The following DOCK10 variants were observed in gnomAD, a reference collection of about 807,000 sequenced individuals.
DOCK10 encodes dedicator of cytokinesis 10.
Under a neutral mutation model 280.1 loss-of-function variants are expected in DOCK10, and 145 were observed. The observed-to-expected ratio is 0.52, with a 90% CI of 0.45 to 0.59. DOCK10 has a LOEUF of 0.59. Among genes scored for constraint, DOCK10 ranks in the 20% least tolerant of loss-of-function variants. The pLI, the probability that DOCK10 is intolerant of heterozygous loss-of-function variation, is 0.00. For synonymous variants in DOCK10, 915 were observed against 942.2 expected (o/e 0.97, Z 0.53); for missense variants, 2,368 against 2,651.7 (o/e 0.89, Z 2.35).
intron 11 of DOCK10, among the ~76,000 whole-genome samples, chr2:224,865,576 G>C (rs1697851173): frequency 6.6e-6 from 1 of 152,184 alleles, no homozygotes; most frequent in Non-Finnish European, 1.5e-5. Flanking sequence ...TAATACATTA[G>C]TGTCGCAGAT....
chr2:224,893,416 C>A (rs1329341298), intron 4 of DOCK10: 1 of 172,256 alleles, frequency 5.8e-6, no homozygotes, highest in African/African-American at 2.4e-5. Flanking sequence ...ATGAATTTTT[C>A]TTCCTTACAT....
chr2:224,950,474 C>T (rs1003271291), intron 1 of DOCK10, among the ~76,000 whole-genome samples: 2 of 152,142 alleles, frequency 1.3e-5, no homozygotes, highest in Admixed American at 1.3e-4. Context: ...AAGTCAGTAG[C>T]AGAGCTGGGA....
intron 14 of DOCK10, among the ~76,000 whole-genome samples, chr2:224,859,840 G>A (rs560625286): frequency 2.6e-5 from 4 of 152,282 alleles, no homozygotes; most frequent in South Asian, 2.1e-4. Flanking sequence ...GGCAACAACC[G>A]GCCTTCCTCT....
rs1174953662 is a variant in DOCK10 at position 225,014,084 on chromosome 2, G to GTT, written c.123+28166_123+28167dup. Among the ~76,000 whole-genome samples, 364 of 104,376 alleles carry GTT rather than the reference G, an allele frequency of 3.5e-3. 4 individuals are homozygous for GTT. Among genetic ancestry groups the GTT allele is most frequent in the African/African-American group, 0.016 (324 of 20,332 alleles). 68.5% of individuals were successfully genotyped at this position (104,376 alleles called of 152,430 possible). On this transcript the variant is annotated intron_variant, in intron 1 of 55. Transcript: ENST00000258390. Reference sequence around the variant, plus strand: ...AAATCCCCAGAAGTCTGAATATATTGTTTTTTTTTTTTTGTTTTTTTTTTT... The same window carrying GTT: ...AAATCCCCAGAAGTCTGAATATATTGTTTTTTTTTTTTTTTGTTTTTTTTTTT...
At chr2:225,011,367 G>A (rs553206078) in intron 1 of DOCK10, among the ~76,000 whole-genome samples, 1 of 152,258 alleles carries the variant, frequency 6.6e-6, no homozygotes, top group South Asian at 2.1e-4. Context: ...TTCCTAAAGT[G>A]ACTCTTTCCA....
intron 1 of DOCK10, among the ~76,000 whole-genome samples, chr2:224,961,401 TTTC>T (rs140220336): frequency 6.3e-4 from 76 of 120,112 alleles, no homozygotes; most frequent in Non-Finnish European, 1.0e-3. Flanking sequence ...CAGCATTTTC[TTTC>T]TTTCTTTCTC....
intron 1 of DOCK10, among the ~76,000 whole-genome samples, chr2:224,973,668 T>C (rs999458442): frequency 4.6e-5 from 7 of 152,122 alleles, no homozygotes; most frequent in Non-Finnish European, 7.4e-5. Context: ...TAAGACAATA[T>C]GTGTGTTGTT....
chr2:224,857,458 A>G (rs1165076446), intron 14 of DOCK10, among the ~76,000 whole-genome samples: 1 of 152,204 alleles, frequency 6.6e-6, no homozygotes, highest in Non-Finnish European at 1.5e-5. Context: ...TCATGGAGCT[A>G]AATGTGCCCA....
chr2:224,860,449 TATAAC>T (rs1251250535), intron 14 of DOCK10: 14 of 152,214 alleles, frequency 9.2e-5, no homozygotes, highest in Non-Finnish European at 1.6e-4. Flanking sequence ...CCTTAATCCT[TATAAC>T]AGTAAATTAG....
At chr2:224,774,720 G>C (rs1378666309) in intron 52 of DOCK10, among the ~76,000 whole-genome samples, 185 bp downstream of exon 52, 4 of 152,172 alleles carry the variant, frequency 2.6e-5, no homozygotes, top group African/African-American at 9.7e-5. Flanking sequence ...TTTCTCCTCT[G>C]GTTGACTTCT....
intron 3 of DOCK10, among the ~76,000 whole-genome samples, chr2:224,909,789 T>G (rs906100180): frequency 6.6e-6 from 1 of 152,238 alleles, no homozygotes; most frequent in African/African-American, 2.4e-5. Context: ...TAGAGCTTGA[T>G]GTTAACATGC....
chr2:224,909,879 A>T (rs570940971), intron 3 of DOCK10, among the ~76,000 whole-genome samples: 93 of 141,356 alleles, frequency 6.6e-4, no homozygotes, highest in African/African-American at 2.4e-3. Flanking sequence ...TAGGGAGGAG[A>T]ATTAATAACA....
chr2:224,820,808 C>T (rs1694458945), intron 28 of DOCK10, among the ~76,000 whole-genome samples: 1 of 152,186 alleles, frequency 6.6e-6, no homozygotes, highest in South Asian at 2.1e-4. Flanking sequence ...GATGTTTAAA[C>T]CAAGTCTCTC....
intron 1 of DOCK10, among the ~76,000 whole-genome samples, chr2:225,038,585 C>T (rs1690329098): frequency 6.6e-6 from 1 of 152,168 alleles, no homozygotes; most frequent in Non-Finnish European, 1.5e-5. Context: ...AGGGAGAAAA[C>T]CTCCTGGTTA....
intron 1 of DOCK10, among the ~76,000 whole-genome samples, chr2:224,996,628 C>T (rs1489461877): frequency 2.0e-5 from 3 of 152,078 alleles, no homozygotes; most frequent in Admixed American, 1.3e-4. Flanking sequence ...ATGGCTACTG[C>T]GAAAATCAAA....
intron 3 of DOCK10, among the ~76,000 whole-genome samples, chr2:224,906,234 G>A (rs144555097): frequency 7.8e-4 from 118 of 152,010 alleles, no homozygotes; most frequent in Non-Finnish European, 1.4e-3. Flanking sequence ...TACCACAATC[G>A]CATAGCCACA....
chr2:224,814,424 T>TA (rs1693989592), intron 30 of DOCK10, 60 bp from the exon 31 acceptor site: 2 of 913,396 alleles, frequency 2.2e-6, no homozygotes, highest in East Asian at 5.8e-5. Flanking sequence ...GATACATATG[T>TA]ATTCATTATG....
intron 27 of DOCK10, among the ~76,000 whole-genome samples, chr2:224,825,908 C>T (rs1288748644): frequency 6.6e-6 from 1 of 152,092 alleles, no homozygotes; most frequent in African/African-American, 2.4e-5. Flanking sequence ...GGGGAACAGG[C>T]CTGGGATGCA....
intron 1 of DOCK10, among the ~76,000 whole-genome samples, chr2:224,991,985 G>A (rs944089775): frequency 6.6e-6 from 1 of 152,086 alleles, no homozygotes; most frequent in African/African-American, 2.4e-5. Flanking sequence ...CAACAAGGAC[G>A]CTAATGCATC....
Sources: allele counts gnomAD v4.1 joint callset (sites outside exome capture counted in the v4.1 genomes callset), GRCh38; gene constraint gnomAD v4.1.1; transcripts MANE v1.5; gene names NCBI Gene and HGNC (gene_info 2026-07-23, HGNC 2026-07-21).